Variants in ZNF37A observed in about 807,000 individuals in gnomAD.
The protein encoded by ZNF37A is zinc finger protein 37a (KOX 21).
Under a neutral mutation model 12.3 loss-of-function variants are expected in ZNF37A, and 10 were observed. That is an observed-to-expected ratio of 0.82 (90% CI 0.50 to 1.38). The LOEUF is 1.38. Ranked by LOEUF, ZNF37A falls within the 40% of genes most tolerant of loss-of-function variation. The pLI is 0.00. For synonymous variants in ZNF37A, 207 were observed against 223.0 expected (o/e 0.93, Z 0.64); for missense variants, 580 against 651.2 (o/e 0.89, Z 1.19).
intron 5 of ZNF37A, among the ~76,000 whole-genome samples, chr10:38,112,389 T>C (rs2068762497): frequency 1.3e-5 from 2 of 152,102 alleles, no homozygotes; most frequent in South Asian, 4.1e-4. Flanking sequence ...ATGCCTAGTG[T>C]TCCATTAGTG....
At position 38,123,228 on chromosome 10, in the gene ZNF37A, G is replaced by A. The variant is rs1278929651; in HGVS notation, c.*4391G>A. 1 of 151,990 alleles carries A rather than the reference G, an allele frequency of 6.6e-6. No homozygotes were observed. Among genetic ancestry groups the A allele is most frequent in the East Asian group, 1.9e-4 (1 of 5,180 alleles). The allele number at this position is 151,990 out of a possible 1,614,324, so 9.4% of individuals were successfully genotyped here. A position where few individuals can be genotyped will look rare whatever the true frequency, so the allele number is the denominator to read the frequency against. ...CATGGATACCCATTTACCCTGATGTGTTTATACACATTTCATACCTGTATT... is the reference window on the plus strand; with the variant it reads ...CATGGATACCCATTTACCCTGATGTATTTATACACATTTCATACCTGTATT... On this transcript the variant is annotated 3_prime_UTR_variant, in exon 8 of 8. Transcript: ENST00000685332.
downstream of ZNF37A, among the ~76,000 whole-genome samples, chr10:38,130,491 T>C (rs903616881): frequency 4.6e-5 from 7 of 152,118 alleles, no homozygotes; most frequent in African/African-American, 1.7e-4. Flanking sequence ...GACAGAGTCT[T>C]GCTCTGTCAC....
downstream of ZNF37A, among the ~76,000 whole-genome samples, chr10:38,129,316 A>AAAAAAAAAAAAAC (rs1432210552): frequency 0.028 from 4,036 of 142,112 alleles, 219 homozygotes; most frequent in Non-Finnish European, 0.045. Flanking sequence ...AAAAAAAAAA[A>AAAAAAAAAAAAAC]AAAAAACTAT....
chr10:38,125,075 A>G (rs764276770), downstream of ZNF37A: 8 of 152,238 alleles, frequency 5.3e-5, no homozygotes, highest in Admixed American at 1.3e-4. Context: ...AGAAGAAAAC[A>G]TGAGAAAATT....
chr10:38,097,583 C>CAAAAAAAAAAAAAAAAAAAAAAA lies in ZNF37A; in HGVS notation c.15+960_15+982dup, dbSNP rs71007695. ...TGGGTGACAGAGTGAGACTCTGTCT[C>CAAAAAAAAAAAAAAAAAAAAAAA]AAAAAAAAAAAAAAAAAAAAAAAAA... On this transcript the variant is annotated intron_variant, in intron 5 of 7. Transcript: ENST00000685332. 4.2e-4 allele frequency among the ~76,000 whole-genome samples: 26 copies of CAAAAAAAAAAAAAAAAAAAAAAA among 61,948 alleles called. 1 individual carries two copies. The highest frequency in any genetic ancestry group is 6.1e-4 in the Admixed American group (3 of 4,940). 40.6% of individuals were successfully genotyped at this position (61,948 alleles called of 152,430 possible). A position where few individuals can be genotyped will look rare whatever the true frequency, so the allele number is the denominator to read the frequency against.
At chr10:38,125,117 T>C (rs1321716098), downstream of ZNF37A, 1 of 152,176 alleles carries the variant, frequency 6.6e-6, no homozygotes, top group African/African-American at 2.4e-5. Flanking sequence ...ATGATTTCTA[T>C]ATAGGACAAT....
Position 38,115,113 on chromosome 10 carries a change from G to A in ZNF37A, c.143-82G>A, listed in dbSNP as rs202004664. 2,130 of 1,061,532 alleles carry A rather than the reference G, an allele frequency of 2.0e-3. 21 individuals are homozygous for A. The East Asian group carries it at 0.026, about 13-fold the overall frequency. 65.8% of individuals were successfully genotyped at this position (1,061,532 alleles called of 1,614,324 possible). A position where few individuals can be genotyped will look rare whatever the true frequency, so the allele number is the denominator to read the frequency against. On this transcript the variant is annotated intron_variant, in intron 6 of 7. Coordinates refer to ENST00000685332, the MANE Select transcript of ZNF37A (RefSeq NM_001324250.3). Reference sequence around the variant, plus strand: ...TGTGTGTGTGTGTGTGTGTGTGTGTGTGTACTGTTTGGGGTATACTGTCTT... The same window carrying A: ...TGTGTGTGTGTGTGTGTGTGTGTGTATGTACTGTTTGGGGTATACTGTCTT...
At chr10:38,110,746 G>A (rs1367136920) in intron 5 of ZNF37A, among the ~76,000 whole-genome samples, 1 of 152,094 alleles carries the variant, frequency 6.6e-6, no homozygotes, top group African/African-American at 2.4e-5. Context: ...CATCATCACT[G>A]GTCATTAGAG....
At position 38,117,417 on chromosome 10, in the gene ZNF37A, C is replaced by A. The variant is rs2069357001; in HGVS notation, c.266C>A (p.Ser89Ter). 3 of 1,582,314 alleles carry A rather than the reference C, an allele frequency of 1.9e-6. No homozygotes were observed. The African/African-American group carries it at 4.1e-5, about 22-fold the overall frequency. Residue 89 changes from serine (S) to a stop codon, truncating the protein, a stop_gained, in exon 8 of 8, where the codon TCA (serine) becomes TAA (stop). Transcript: ENST00000685332. LOFTEE classifies it low-confidence loss of function (END_TRUNC). ...LELINTSRNY[S>*]IMKFNEFNKG... is the part of the protein sequence containing the mutation. Reference sequence around the variant, plus strand: ...TTAATTAATACCAGTAGAAACTATTCAATAATGAAGTTCAATGAGTTTAAC... The same window carrying A: ...TTAATTAATACCAGTAGAAACTATTAAATAATGAAGTTCAATGAGTTTAAC...
downstream of ZNF37A, among the ~76,000 whole-genome samples, chr10:38,129,319 A>AAAAAAAAAAAAAAAAAAAAAAACAACAAC: frequency 6.0e-5 from 7 of 116,294 alleles, no homozygotes; most frequent in African/African-American, 2.5e-4. Context: ...AAAAAAAAAA[A>AAAAAAAAAAAAAAAAAAAAAAACAACAAC]AAACTATTAT....
At chr10:38,128,614 A>G (rs2136073406), downstream of ZNF37A, among the ~76,000 whole-genome samples, 1 of 152,272 alleles carries the variant, frequency 6.6e-6, no homozygotes, top group South Asian at 2.1e-4. Context: ...TCTTCCAATC[A>G]TGTTTTCTTC....
At chr10:38,137,950 A>C (rs1245359428) in intron 7 of ZNF37A, 1 of 152,330 alleles carries the variant, frequency 6.6e-6, no homozygotes, top group South Asian at 2.1e-4. Context: ...TCTTTGAAGC[A>C]TGTTAGTTTT....
chr10:38,104,329 A>G (rs2067849122), intron 5 of ZNF37A, among the ~76,000 whole-genome samples: 1 of 152,190 alleles, frequency 6.6e-6, no homozygotes, highest in Admixed American at 6.5e-5. Flanking sequence ...ACACAACTAC[A>G]GTTCTCTGAA....
chr10:38,112,750 CTTTTCTTTTCTTTTCT>C (rs1564931959), intron 5 of ZNF37A, among the ~76,000 whole-genome samples: 3 of 47,352 alleles, frequency 6.3e-5, no homozygotes, highest in Admixed American at 5.4e-4. Context: ...CTTTTCTTTT[CTTTTCTTTTCTTTTCT>C]TTTCTTTTCT....
intron 7 of ZNF37A, chr10:38,140,915 G>A (rs1448091738): frequency 6.6e-6 from 1 of 152,134 alleles, no homozygotes; most frequent in African/African-American, 2.4e-5. Context: ...CAAATACATT[G>A]TTAATTAAAT....
Position 38,124,195 on chromosome 10 carries a change from TA to T in ZNF37A, c.*5359del, listed in dbSNP as rs1268715916. 6.6e-6 allele frequency: 1 copy of T among 151,906 alleles called. No homozygotes were observed. The highest frequency in any genetic ancestry group is 2.4e-5 in the African/African-American group (1 of 41,310). The allele number at this position is 151,906 out of a possible 1,614,324, so 9.4% of individuals were successfully genotyped here. ...TCATTTGCAACATTGTAGATGGAAC[TA>T]GAGATCATTAAGTGAAATAAGCCAG... is the stretch of plus-strand genomic sequence containing the variant. On this transcript the variant is annotated 3_prime_UTR_variant, in exon 8 of 8. Coordinates refer to ENST00000685332, the MANE Select transcript of ZNF37A (RefSeq NM_001324250.3).
Position 38,124,008 on chromosome 10 carries a change from G to T in ZNF37A, c.*5171G>T, listed in dbSNP as rs2069860544. 1 of 152,154 alleles carries T rather than the reference G, an allele frequency of 6.6e-6. No homozygotes were observed. 9.4% of individuals were successfully genotyped at this position (152,154 alleles called of 1,614,324 possible). On this transcript the variant is annotated 3_prime_UTR_variant, in exon 8 of 8. Coordinates refer to ENST00000685332, the MANE Select transcript of ZNF37A (RefSeq NM_001324250.3). Reference sequence around the variant, plus strand: ...TATATACCCCAAAGACAGGAAATCAGTATATTGAAGATATATCTGCACCGT... The same window carrying T: ...TATATACCCCAAAGACAGGAAATCATTATATTGAAGATATATCTGCACCGT...
In ZNF37A at chr10:38,117,607, G is replaced by A. The variant is rs550435719; in HGVS notation, c.456G>A (p.Gly152=). 2.5e-6 allele frequency: 4 copies of A among 1,613,842 alleles called. No individual in the cohort carries two copies. In the East Asian group the frequency reaches 6.7e-5, roughly 27 times the overall value. Residue 152 remains glycine, a synonymous_variant, in exon 8 of 8, where the codon GGG becomes GGA. Coordinates refer to ENST00000685332, the MANE Select transcript of ZNF37A (RefSeq NM_001324250.3). ...WEQSFEYNEC[G]KAFPENSLFL... ...AATCTTTTGAATACAATGAATGTGG[G>A]AAAGCTTTCCCTGAGAATTCACTCT...
Position 38,121,720 on chromosome 10 carries a change from G to C in ZNF37A, c.*2883G>C, listed in dbSNP as rs2069707507. ...AGAACTCATATCTTTTAAATATATA[G>C]GAACAAATAAATAAATTGTTGTGTG... On this transcript the variant is annotated 3_prime_UTR_variant, in exon 8 of 8. Coordinates refer to ENST00000685332, the MANE Select transcript of ZNF37A (RefSeq NM_001324250.3). 1 of 152,126 alleles carries C rather than the reference G, an allele frequency of 6.6e-6. No homozygotes were observed. Among genetic ancestry groups the C allele is most frequent in the Non-Finnish European group, 1.5e-5 (1 of 68,024 alleles). The allele number at this position is 152,126 out of a possible 1,614,324, so 9.4% of individuals were successfully genotyped here.
Sources: gnomAD v4.1 joint callset for allele counts (sites outside exome capture counted in the v4.1 genomes callset) on GRCh38, gnomAD v4.1.1 for gene constraint, MANE v1.5 for transcripts, NCBI Gene and HGNC (gene_info 2026-07-23, HGNC 2026-07-21) for gene names.